Variants in CABCOCO1 observed in about 807,000 individuals in gnomAD.
The protein encoded by CABCOCO1 is ciliary associated calcium binding coiled-coil 1.
In CABCOCO1, 28 loss-of-function variants were observed where a neutral mutation model predicts 35.7. The observed-to-expected ratio is 0.78, with a 90% CI of 0.58 to 1.07. The LOEUF is 1.07. CABCOCO1 is among the 50% of genes least tolerant of loss of function. CABCOCO1 has a pLI of 0.00. For synonymous variants in CABCOCO1, 95 were observed against 100.1 expected, an observed-to-expected ratio of 0.95 and a Z score of 0.30; for missense variants, 326 against 309.2, an observed-to-expected ratio of 1.05 and a Z score of -0.41.
chr10:61,704,514 T>C (rs535912188), intron 5 of CABCOCO1, among the ~76,000 whole-genome samples: 7 of 152,144 alleles, frequency 4.6e-5, no homozygotes, highest in Non-Finnish European at 1.0e-4. Flanking sequence ...GATGCCTGAG[T>C]GAGCTTGGAA....
At chr10:61,759,962 C>T in intron 5 of CABCOCO1, 97 bp from the exon 6 acceptor site, 1 of 1,438,112 alleles carries the variant, frequency 7.0e-7, no homozygotes, top group Middle Eastern at 1.8e-4. Context: ...TGAAAGATAA[C>T]AGACTTGGAA....
chr10:61,680,310 C>CAA lies in CABCOCO1; in HGVS notation c.165-826_165-825dup, dbSNP rs200625085. ...TGGCCGATGAAGCAAGGCCCTGTCT[C>CAA]AAAAAAAATATATATATATATATTT... On this transcript the variant is annotated intron_variant, in intron 2 of 7. Transcript: ENST00000648843. Among the ~76,000 whole-genome samples, 437 of 116,228 alleles carry CAA rather than the reference C, an allele frequency of 3.8e-3. 2 individuals are homozygous for CAA. Among genetic ancestry groups the CAA allele is most frequent in the East Asian group, 0.027 (106 of 3,890 alleles). 76.3% of individuals were successfully genotyped at this position (116,228 alleles called of 152,430 possible).
chr10:61,716,655 C>T (rs1376074870), intron 5 of CABCOCO1, among the ~76,000 whole-genome samples: 2 of 152,088 alleles, frequency 1.3e-5, no homozygotes, highest in African/African-American at 4.8e-5. Flanking sequence ...AACTTTCAAT[C>T]TTGAATTATT....
chr10:61,733,576 A>G (rs903899163), intron 5 of CABCOCO1, among the ~76,000 whole-genome samples: 1 of 152,120 alleles, frequency 6.6e-6, no homozygotes, highest in Non-Finnish European at 1.5e-5. Context: ...TTTTGTGCCC[A>G]TGAGAATGAT....
At position 61,755,695 on chromosome 10, in the gene CABCOCO1, CCT is replaced by C. The variant is rs544360294; in HGVS notation, c.553-4363_553-4362del. ...GATTTTAATAATTTAATAATTATCC[CCT>C]TAGTCATAGATTTTAGTGGCACAAA... On this transcript the variant is annotated intron_variant, in intron 5 of 7. Transcript: ENST00000648843. Among the ~76,000 whole-genome samples, 68 of 152,046 alleles carry C rather than the reference CCT, an allele frequency of 4.5e-4. No individual in the cohort carries two copies. The East Asian group carries it at 0.011, about 25-fold the overall frequency.
chr10:61,686,120 G>C lies in CABCOCO1; in HGVS notation c.414G>C (p.Lys138Asn), dbSNP rs1415261004. Residue 138 changes from lysine (K) to asparagine (N), a missense_variant, in exon 4 of 8, where the codon AAG (lysine) becomes AAC (asparagine). Lys to Asn is a moderately conservative substitution (Grantham distance 94, BLOSUM62 0). Coordinates refer to ENST00000648843, the MANE Select transcript of CABCOCO1 (RefSeq NM_001366906.2). Reference protein sequence around the residue: ...MAEIGPTHSQKSEDWNIFDVK... With the variant: ...MAEIGPTHSQNSEDWNIFDVK... ...AAATAGGACCAACACATTCGCAAAAGAGTGAGGACTGGAATATCTTTGATG... is the reference window on the plus strand; with the variant it reads ...AAATAGGACCAACACATTCGCAAAACAGTGAGGACTGGAATATCTTTGATG... 1 of 1,606,022 alleles carries C rather than the reference G, an allele frequency of 6.2e-7. No individual in the cohort carries two copies. The highest frequency in any genetic ancestry group is 8.5e-7 in the Non-Finnish European group (1 of 1,177,688).
intron 5 of CABCOCO1, among the ~76,000 whole-genome samples, chr10:61,704,035 G>A (rs1180180643): frequency 6.6e-6 from 1 of 151,934 alleles, no homozygotes; most frequent in East Asian, 1.9e-4. Context: ...GGCCAACATG[G>A]TGAAACCCCC....
intron 5 of CABCOCO1, among the ~76,000 whole-genome samples, chr10:61,699,601 A>G (rs368321064): frequency 1.3e-5 from 2 of 151,966 alleles, no homozygotes; most frequent in African/African-American, 4.8e-5. Flanking sequence ...TTTGCTACCA[A>G]CCCATGCCTA....
intron 4 of CABCOCO1, among the ~76,000 whole-genome samples, chr10:61,689,708 T>G (rs1023239422): frequency 2.6e-5 from 4 of 152,134 alleles, no homozygotes; most frequent in Admixed American, 2.0e-4. Context: ...CTAAGACAAT[T>G]TTTTGTTCTT....
intron 5 of CABCOCO1, among the ~76,000 whole-genome samples, chr10:61,713,090 C>T (rs1840772423): frequency 6.6e-6 from 1 of 152,162 alleles, no homozygotes; most frequent in Non-Finnish European, 1.5e-5. Context: ...TATAAATTAC[C>T]TTGGGCACTA....
chr10:61,692,539 T>C (rs1840177949), intron 5 of CABCOCO1, among the ~76,000 whole-genome samples: 1 of 152,112 alleles, frequency 6.6e-6, no homozygotes, highest in Non-Finnish European at 1.5e-5. Context: ...GATATTCACA[T>C]TATCTTTGTA....
Position 61,686,059 on chromosome 10 carries a change from A to C in CABCOCO1, c.353A>C (p.Glu118Ala). Reference protein sequence around the residue: ...QNLKTLHMSLEESIKWLGEVM... With the variant: ...QNLKTLHMSLAESIKWLGEVM... ...ATTTCAGCACTACATATGTCCTTAG[A>C]GGAAAGCATAAAATGGCTTGGAGAA... The change falls in exon 4 of 8, where the codon GAG (glutamate) becomes GCG (alanine). Residue 118 changes from glutamate (E) to alanine (A), a missense_variant. By Grantham distance (107) the Glu-to-Ala change is moderately radical (BLOSUM62 -1). Transcript: ENST00000648843. 6.2e-7 allele frequency: 1 copy of C among 1,605,730 alleles called. No homozygotes were observed. The highest frequency in any genetic ancestry group is 8.5e-7 in the Non-Finnish European group (1 of 1,177,872).
At chr10:61,708,177 T>C (rs1436034722) in intron 5 of CABCOCO1, among the ~76,000 whole-genome samples, 1 of 150,742 alleles carries the variant, frequency 6.6e-6, no homozygotes, top group Non-Finnish European at 1.5e-5. Context: ...GCCCAGCACA[T>C]AGACAGACGC....
chr10:61,765,929 G>C lies in CABCOCO1; in HGVS notation c.817-10G>C, dbSNP rs1177924131. 6.8e-6 allele frequency: 11 copies of C among 1,610,144 alleles called. No individual in the cohort carries two copies. The highest frequency in any genetic ancestry group is 9.3e-6 in the Non-Finnish European group (11 of 1,177,638). On this transcript the variant is annotated splice_polypyrimidine_tract_variant and intron_variant, in intron 7 of 7. Coordinates refer to ENST00000648843, the MANE Select transcript of CABCOCO1 (RefSeq NM_001366906.2). ...CATCATAACCACGTTTTTTATGATTGTCTTCACAGACCGAGATAAACGAAA... is the reference window on the plus strand; with the variant it reads ...CATCATAACCACGTTTTTTATGATTCTCTTCACAGACCGAGATAAACGAAA...
intron 5 of CABCOCO1, among the ~76,000 whole-genome samples, chr10:61,748,925 G>C (rs931033505): frequency 1.3e-5 from 2 of 152,048 alleles, no homozygotes; most frequent in African/African-American, 4.8e-5. Flanking sequence ...TCAGAGCCTC[G>C]GGATGGACAA....
chr10:61,665,145 G>A (rs1470485236), intron 1 of CABCOCO1, among the ~76,000 whole-genome samples: 1 of 152,152 alleles, frequency 6.6e-6, no homozygotes, highest in African/African-American at 2.4e-5. Flanking sequence ...TAGAATAGAA[G>A]TAATTATCCC....
At chr10:61,742,462 T>C (rs1473057400) in intron 5 of CABCOCO1, among the ~76,000 whole-genome samples, 1 of 151,682 alleles carries the variant, frequency 6.6e-6, no homozygotes, top group African/African-American at 2.4e-5. Flanking sequence ...AAACTCAAAC[T>C]ACAAAGAAAA....
In CABCOCO1 at chr10:61,671,835, T is replaced by C. The variant is rs113968074; in HGVS notation, c.61-797T>C. ...AGAAACTTCATGGTTCTGAGTGCTG[T>C]CTGTATTACTAGAAACAAACTTCTC... On this transcript the variant is annotated intron_variant, in intron 1 of 7. Coordinates refer to ENST00000648843, the MANE Select transcript of CABCOCO1 (RefSeq NM_001366906.2). Among the ~76,000 whole-genome samples the C allele has an allele frequency of 3.0e-3, 450 of 152,336 alleles. 2 individuals are homozygous for C. Among genetic ancestry groups the C allele is most frequent in the African/African-American group, 0.01 (426 of 41,570 alleles).
chr10:61,738,651 C>G (rs1381744868), intron 5 of CABCOCO1, among the ~76,000 whole-genome samples: 1 of 152,122 alleles, frequency 6.6e-6, no homozygotes, highest in Non-Finnish European at 1.5e-5. Flanking sequence ...AATATGTTGT[C>G]TTATAATTGT....
Sources: allele counts gnomAD v4.1 joint callset (sites outside exome capture counted in the v4.1 genomes callset), GRCh38; gene constraint gnomAD v4.1.1; transcripts MANE v1.5; gene names NCBI Gene and HGNC (gene_info 2026-07-23, HGNC 2026-07-21).